The following KLF17 variants were observed in gnomAD, a reference collection of about 807,000 sequenced individuals.
KLF17 encodes KLF transcription factor 17.
In KLF17, 31 loss-of-function variants were observed where a neutral mutation model predicts 34.2. The observed-to-expected ratio is 0.91, with a 90% confidence interval of 0.68 to 1.22. The LOEUF (loss-of-function observed/expected upper bound fraction) is 1.22. KLF17 is among the 50% of genes most tolerant of loss of function. The pLI, the probability that KLF17 is intolerant of heterozygous loss-of-function variation, is 0.00. For synonymous variants in KLF17, 179 were observed against 186.7 expected, an observed-to-expected ratio of 0.96 and a Z score of 0.34; for missense variants, 478 against 505.2, an observed-to-expected ratio of 0.95 and a Z score of 0.52.
chr1:44,045,153 G>C, the KLF17 span: 1 of 152,208 alleles, frequency 6.6e-6, no homozygotes, highest in Non-Finnish European at 1.5e-5. Flanking sequence ...CCACAGGGGC[G>C]GGATGTTCTT....
chr1:44,075,432 A>G, the KLF17 span, among the ~76,000 whole-genome samples: 2 of 152,208 alleles, frequency 1.3e-5, no homozygotes, highest in Non-Finnish European at 2.9e-5. Context: ...TTCCTGTTGT[A>G]TGTAAATTTG....
chr1:44,115,305 G>C (rs1268187269), upstream of KLF17: 5 of 152,040 alleles, frequency 3.3e-5, no homozygotes, highest in African/African-American at 7.3e-5. Context: ...AAAAAAATTA[G>C]CCAAGAGTGG....
chr1:44,061,960 C>T, the KLF17 span, among the ~76,000 whole-genome samples: 1 of 152,218 alleles, frequency 6.6e-6, no homozygotes, highest in Non-Finnish European at 1.5e-5. Context: ...CCCTGAGCTG[C>T]TACTGTGTAT....
chr1:44,110,000 G>A, the KLF17 span, among the ~76,000 whole-genome samples: 3 of 149,524 alleles, frequency 2.0e-5, no homozygotes, highest in East Asian at 2.0e-4. Flanking sequence ...TCCGCCTCCC[G>A]GGTTCAAGCA....
At chr1:44,050,556 C>T in the KLF17 span, among the ~76,000 whole-genome samples, 1 of 152,200 alleles carries the variant, frequency 6.6e-6, no homozygotes, top group South Asian at 2.1e-4. Flanking sequence ...CTACACACTG[C>T]CTATGGGGTA....
the KLF17 span, chr1:44,103,648 G>A: frequency 1.9e-6 from 3 of 1,610,394 alleles, no homozygotes; most frequent in Non-Finnish European, 2.5e-6. Context: ...ACGTTCATCA[G>A]CTCCTAGTAC....
the KLF17 span, among the ~76,000 whole-genome samples, chr1:44,056,751 A>C: frequency 6.6e-6 from 1 of 152,176 alleles, no homozygotes; most frequent in Non-Finnish European, 1.5e-5. Flanking sequence ...GGATGCTTGC[A>C]AGCTGTGGCC....
chr1:44,083,472 G>C, the KLF17 span, among the ~76,000 whole-genome samples: 1 of 152,074 alleles, frequency 6.6e-6, no homozygotes, highest in Non-Finnish European at 1.5e-5. Context: ...AAAATATCCA[G>C]CAAGTTGTTC....
the KLF17 span, among the ~76,000 whole-genome samples, chr1:44,058,417 A>G: frequency 6.6e-6 from 1 of 152,034 alleles, no homozygotes; most frequent in South Asian, 2.1e-4. Context: ...CAGGCTCCCG[A>G]GTAGCTGGGA....
chr1:44,081,508 C>A, the KLF17 span, among the ~76,000 whole-genome samples: 1 of 151,456 alleles, frequency 6.6e-6, no homozygotes, highest in African/African-American at 2.4e-5. Flanking sequence ...CTCCACCTCC[C>A]GGGTTCAAGC....
chr1:44,063,596 G>A, the KLF17 span, among the ~76,000 whole-genome samples: 4 of 152,162 alleles, frequency 2.6e-5, no homozygotes, highest in African/African-American at 9.7e-5. Context: ...GCTGTCATCT[G>A]ATTTCTTTTC....
the KLF17 span, among the ~76,000 whole-genome samples, chr1:44,087,769 TACACACAC>T: frequency 4.0e-4 from 21 of 52,278 alleles, no homozygotes; most frequent in African/African-American, 6.9e-4. Flanking sequence ...TATATATATA[TACACACAC>T]ACACACACAC....
chr1:44,067,775 G>A, the KLF17 span, among the ~76,000 whole-genome samples: 3 of 151,984 alleles, frequency 2.0e-5, no homozygotes, highest in Non-Finnish European at 4.4e-5. Flanking sequence ...CCAGGGCAGA[G>A]CACCAACAGT....
the KLF17 span, among the ~76,000 whole-genome samples, chr1:44,079,514 G>A: frequency 4.5e-4 from 68 of 151,758 alleles, no homozygotes; most frequent in Admixed American, 6.6e-4. Context: ...TGTTGCCCTG[G>A]CTGGTCTCAA....
At chr1:44,117,517 C>T (rs531120212), upstream of KLF17, 7 of 143,778 alleles carry the variant, frequency 4.9e-5, no homozygotes, top group South Asian at 4.4e-4. Flanking sequence ...TTTTTTGAGA[C>T]GGAATTTTGC....
chr1:44,064,781 T>C, the KLF17 span, among the ~76,000 whole-genome samples: 1 of 152,238 alleles, frequency 6.6e-6, no homozygotes, highest in Non-Finnish European at 1.5e-5. Flanking sequence ...ATGCCAAAAT[T>C]CTATTAGTCA....
chr1:44,127,290 T>C (rs534613657), intron 1 of KLF17, among the ~76,000 whole-genome samples: 243 of 152,294 alleles, frequency 1.6e-3, no homozygotes, highest in Non-Finnish European at 2.6e-3. Flanking sequence ...TACAAAGTAA[T>C]GAACTGTTTG....
At chr1:44,113,216 C>T in the KLF17 span, among the ~76,000 whole-genome samples, 2 of 152,150 alleles carry the variant, frequency 1.3e-5, no homozygotes. Flanking sequence ...TTCAAGACAG[C>T]TTCTTTCAAT....
chr1:44,081,757 C>T, the KLF17 span, among the ~76,000 whole-genome samples: 4 of 152,120 alleles, frequency 2.6e-5, no homozygotes, highest in Non-Finnish European at 5.9e-5. Flanking sequence ...GGGCACATCA[C>T]CGATTTCAGC....
Sources: allele counts gnomAD v4.1 joint callset (sites outside exome capture counted in the v4.1 genomes callset), GRCh38; gene constraint gnomAD v4.1.1; transcripts MANE v1.5; gene names NCBI Gene and HGNC (gene_info 2026-07-23, HGNC 2026-07-21).